Variants in LOC400499 observed in about 807,000 individuals in gnomAD.
chr16:11,460,202 C>T, the LOC400499 span: 3 of 757,538 alleles, frequency 4.0e-6, no homozygotes, highest in Non-Finnish European at 5.6e-6. Context: ...TAATTTATTA[C>T]TTATTTATTT....
chr16:11,462,388 A>T, the LOC400499 span: 1 of 1,380,070 alleles, frequency 7.2e-7, no homozygotes, highest in Non-Finnish European at 9.4e-7. Context: ...CAGACAGGGC[A>T]GGAGACAACA....
At chr16:11,447,387 TCTGACATTC>T in the LOC400499 span, among the ~76,000 whole-genome samples, 1 of 152,196 alleles carries the variant, frequency 6.6e-6, no homozygotes, top group Admixed American at 6.5e-5. Flanking sequence ...GGCAAAGGTT[TCTGACATTC>T]CGGTTCTCTG....
chr16:11,520,108 G>A, the LOC400499 span, among the ~76,000 whole-genome samples: 2 of 152,152 alleles, frequency 1.3e-5, no homozygotes, highest in Non-Finnish European at 2.9e-5. Context: ...GGAAGTTACT[G>A]TTCAATGTGC....
the LOC400499 span, among the ~76,000 whole-genome samples, chr16:11,451,089 G>A: frequency 1.3e-5 from 2 of 152,202 alleles, no homozygotes; most frequent in African/African-American, 4.8e-5. Flanking sequence ...AACACATGCT[G>A]AAACGTTTAG....
chr16:11,469,724 C>T, the LOC400499 span: 1 of 398,802 alleles, frequency 2.5e-6, no homozygotes, highest in African/African-American at 2.1e-5. Context: ...TTCAGACACT[C>T]ACATTGTTGT....
chr16:11,471,156 A>G, the LOC400499 span: 112,219 of 152,312 alleles, frequency 0.74, 41,900 homozygotes, highest in Admixed American at 0.81. Flanking sequence ...GGCTGCTGGT[A>G]AAGATGGGAA....
chr16:11,414,550 C>T, the LOC400499 span: 7 of 399,358 alleles, frequency 1.8e-5, no homozygotes, highest in African/African-American at 6.2e-5. Context: ...GACAGCTTCA[C>T]CTCCCTTCCC....
the LOC400499 span, among the ~76,000 whole-genome samples, chr16:11,445,033 G>C: frequency 6.6e-6 from 1 of 151,592 alleles, no homozygotes. Context: ...AGGCTACAGT[G>C]AGCTGAGATT....
chr16:11,520,201 G>A, the LOC400499 span, among the ~76,000 whole-genome samples: 10 of 152,154 alleles, frequency 6.6e-5, no homozygotes, highest in Non-Finnish European at 8.8e-5. Context: ...AGTACTTAAT[G>A]CCACTGAATC....
At chr16:11,375,895 A>G in the LOC400499 span, among the ~76,000 whole-genome samples, 2 of 151,932 alleles carry the variant, frequency 1.3e-5, no homozygotes, top group Non-Finnish European at 2.9e-5. Flanking sequence ...ATGCCCAGCT[A>G]ATTTTGTATT....
At chr16:11,477,096 C>T in the LOC400499 span, 103 of 398,868 alleles carry the variant, frequency 2.6e-4, no homozygotes, top group Admixed American at 2.3e-3. Context: ...ATGCGCCAAG[C>T]ACTTTCCAGT....
chr16:11,390,978 C>T, the LOC400499 span, among the ~76,000 whole-genome samples: 23 of 152,352 alleles, frequency 1.5e-4, 1 homozygote, highest in East Asian at 3.3e-3. Context: ...CCCTAGACTC[C>T]GCCCCAGCCC....
chr16:11,515,890 AG>A, the LOC400499 span: 2 of 16,744 alleles, frequency 1.2e-4, no homozygotes, highest in Non-Finnish European at 3.1e-4. Flanking sequence ...AGCCCAGCCC[AG>A]CCTAGCCCAG....
the LOC400499 span, among the ~76,000 whole-genome samples, chr16:11,413,119 C>T: frequency 3.3e-5 from 5 of 152,274 alleles, no homozygotes; most frequent in Admixed American, 6.5e-5. Context: ...GATACAGGGC[C>T]GGAGTCAGCC....
the LOC400499 span, among the ~76,000 whole-genome samples, chr16:11,441,796 A>G: frequency 1.3e-5 from 2 of 152,200 alleles, no homozygotes; most frequent in African/African-American, 4.8e-5. Context: ...GGAAAAGGAA[A>G]GGAAACAGAC....
the LOC400499 span, chr16:11,387,026 G>A: frequency 1.9e-6 from 2 of 1,075,302 alleles, no homozygotes; most frequent in South Asian, 9.5e-5. Context: ...GCACTGTGAT[G>A]CTACTAGCCT....
chr16:11,527,197 G>GCCA, the LOC400499 span, among the ~76,000 whole-genome samples: 1 of 152,320 alleles, frequency 6.6e-6, no homozygotes, highest in South Asian at 2.1e-4. Context: ...CCAGCCCCGT[G>GCCA]CCACCAGCCT....
chr16:11,516,906 A>G, the LOC400499 span, among the ~76,000 whole-genome samples: 6 of 152,282 alleles, frequency 3.9e-5, no homozygotes, highest in South Asian at 1.2e-3. Context: ...CTCAGCCTCC[A>G]AAGCTCTGGG....
At chr16:11,450,316 G>A in the LOC400499 span, among the ~76,000 whole-genome samples, 24 of 152,332 alleles carry the variant, frequency 1.6e-4, 1 homozygote, top group East Asian at 1.9e-4. Context: ...GGCAAAAGCC[G>A]AATGTCCATC....
Sources: allele counts gnomAD v4.1 joint callset (sites outside exome capture counted in the v4.1 genomes callset), GRCh38; gene constraint gnomAD v4.1.1; transcripts MANE v1.5.